ABCA3: variants seen among roughly 807,000 people sequenced by gnomAD.
ABCA3 encodes phospholipid-transporting ATPase ABCA3.
In ABCA3, 88 loss-of-function variants were observed where a neutral mutation model predicts 172.8. The ratio of observed to expected loss-of-function variants is 0.51; its 90% CI spans 0.43 to 0.61. The LOEUF (loss-of-function observed/expected upper bound fraction) is 0.61. Among genes scored for constraint, ABCA3 ranks in the 20% least tolerant of loss-of-function variants. The pLI is 0.00. For synonymous variants in ABCA3, 1,066 were observed against 983.8 expected (o/e 1.08, Z -1.56); for missense variants, 2,164 against 2,301.0 (o/e 0.94, Z 1.22).
In ABCA3 at chr16:2,297,284, G is replaced by T. The variant is rs769549173; in HGVS notation, c.2263+45C>A. ...AGGTAGCAGCCATTCCCTCAGCACG[G>T]CAGCCAGGACACCGACCCTGTCGCG... is the stretch of plus-strand genomic sequence containing the variant. On this transcript the variant is annotated intron_variant, in intron 17 of 32. Transcript: ENST00000301732. The surrounding 1 kb of genome is among the most constrained non-coding windows in gnomAD (Gnocchi z 5.6). 3.1e-6 allele frequency: 5 copies of T among 1,597,010 alleles called. No individual in the cohort carries two copies. The African/African-American group carries it at 6.7e-5, about 21-fold the overall frequency.
chr16:2,278,459 C>G lies in ABCA3; in HGVS notation c.4548-1G>C. 1 of 1,611,562 alleles carries G rather than the reference C, an allele frequency of 6.2e-7. No individual in the cohort carries two copies. Among genetic ancestry groups the G allele is most frequent in the Non-Finnish European group, 8.5e-7 (1 of 1,179,992 alleles). ...GCTCAGCTTCCGCTTGTTACCACCA[C>G]TAGAGGCAGGAGGGTGCCAGGTGGG... On this transcript the variant is annotated splice_acceptor_variant, in intron 29 of 32. Transcript: ENST00000301732. LOFTEE classifies it high-confidence loss of function. This position sits in a 1 kb window ranked among gnomAD's most constrained non-coding sequence, Gnocchi z 4.4.
intron 7 of ABCA3, 35 bp downstream of exon 7, chr16:2,323,488 G>A (rs181628199): frequency 7.0e-5 from 113 of 1,613,398 alleles, no homozygotes; most frequent in African/African-American, 4.7e-4. Flanking sequence ...TCAACAGCCC[G>A]GGCTGGTAAC....
chr16:2,338,958 G>A (rs1201944290), intron 1 of ABCA3, among the ~76,000 whole-genome samples: 1 of 151,960 alleles, frequency 6.6e-6, no homozygotes, highest in East Asian at 1.9e-4. Context: ...GTTTCGCCAT[G>A]TTGGCCAGGC....
chr16:2,285,545 G>T lies in ABCA3; in HGVS notation c.3380C>A (p.Ala1127Asp). Residue 1127 changes from alanine (A) to aspartate (D), a missense_variant, in exon 23 of 33, where the codon GCC becomes GAC. Coordinates refer to ENST00000301732, the MANE Select transcript of ABCA3 (RefSeq NM_001089.3). The surrounding 1 kb of genome is among the most constrained non-coding windows in gnomAD (Gnocchi z 4.7). Reference protein sequence around the residue: ...ILAVSERAVQAKHVQFVSGVH... With the variant: ...ILAVSERAVQDKHVQFVSGVH... ...TCCACTCACAAACTGCACATGCTTG[G>T]CCTGCACGGCCCTCTCGCTGACCGC... is the stretch of plus-strand genomic sequence containing the variant. The T allele has an allele frequency of 6.3e-7, 1 of 1,596,242 alleles. No homozygotes were observed. Among genetic ancestry groups the T allele is most frequent in the Non-Finnish European group, 8.5e-7 (1 of 1,171,184 alleles).
chr16:2,330,699 T>A (rs1005508590), intron 1 of ABCA3, among the ~76,000 whole-genome samples: 1 of 2,608 alleles, frequency 3.8e-4, no homozygotes, highest in African/African-American at 1.5e-3. Flanking sequence ...ACACCACCCT[T>A]TTTTTTTTTT....
At chr16:2,337,977 G>A (rs539457203) in intron 1 of ABCA3, among the ~76,000 whole-genome samples, 8 of 152,188 alleles carry the variant, frequency 5.3e-5, no homozygotes, top group Admixed American at 2.6e-4. Context: ...GGGAGCTATC[G>A]GGACAGACTT....
At position 2,281,307 on chromosome 16, in the gene ABCA3, G is replaced by A; in HGVS notation, c.4164+74C>T. ...GAGCCTCAGCGCCGAAAGCTTCCAG[G>A]GATGGGGTCGGACCCTGGGGACAGC... On this transcript the variant is annotated intron_variant, in intron 27 of 32. Coordinates refer to ENST00000301732, the MANE Select transcript of ABCA3 (RefSeq NM_001089.3). The surrounding 1 kb of genome is among the most constrained non-coding windows in gnomAD (Gnocchi z 4.7). 6.2e-7 allele frequency: 1 copy of A among 1,613,156 alleles called. No individual in the cohort carries two copies. The highest frequency in any genetic ancestry group is 8.5e-7 in the Non-Finnish European group (1 of 1,179,796).
At chr16:2,324,610 G>T in intron 5 of ABCA3, 79 bp from the exon 6 acceptor site, 1 of 1,588,190 alleles carries the variant, frequency 6.3e-7, no homozygotes, top group Non-Finnish European at 8.5e-7. Context: ...CAGGTCACTG[G>T]CAGATGAAAG....
rs2093659323 is a variant in ABCA3, at chr16:2,284,249, G to A, written c.3862+30C>T. On this transcript the variant is annotated intron_variant, in intron 25 of 32. Coordinates refer to ENST00000301732, the MANE Select transcript of ABCA3 (RefSeq NM_001089.3). This position sits in a 1 kb window ranked among gnomAD's most constrained non-coding sequence, Gnocchi z 5.9. ...GACCACGTCCTGAGGACGCAGGGGT[G>A]CTGCCCGGGGTCGGGGCTGGGACAC... The A allele has an allele frequency of 6.9e-6, 11 of 1,605,072 alleles. No homozygotes were observed. Among genetic ancestry groups the A allele is most frequent in the Non-Finnish European group, 9.4e-6 (11 of 1,174,588 alleles).
chr16:2,284,217 C>A lies in ABCA3; in HGVS notation c.3862+62G>T, dbSNP rs2093659282. 3.8e-6 allele frequency: 6 copies of A among 1,568,394 alleles called. No homozygotes were observed. Among genetic ancestry groups the A allele is most frequent in the Non-Finnish European group, 5.2e-6 (6 of 1,155,874 alleles). On this transcript the variant is annotated intron_variant, in intron 25 of 32. Transcript: ENST00000301732. The surrounding 1 kb of genome is among the most constrained non-coding windows in gnomAD (Gnocchi z 5.9). ...GGAGCCCCTGCCCTAGGAGGCCCCT[C>A]TGCAGTGACCACGTCCTGAGGACGC...
chr16:2,327,590 G>A (rs112050253), intron 3 of ABCA3, among the ~76,000 whole-genome samples: 2,077 of 152,314 alleles, frequency 0.014, 26 homozygotes, highest in Non-Finnish European at 0.021. Context: ...GAGCAGGCCC[G>A]GGTAGGCAGA....
chr16:2,323,501 G>C (rs542356676), intron 7 of ABCA3, 22 bp downstream of exon 7: 3 of 1,613,838 alleles, frequency 1.9e-6, no homozygotes, highest in Admixed American at 1.7e-5. Flanking sequence ...CTGGTAACAC[G>C]AACCCTAACC....
At chr16:2,305,095 G>A (rs1480634443) in intron 11 of ABCA3, among the ~76,000 whole-genome samples, 1 of 152,018 alleles carries the variant, frequency 6.6e-6, no homozygotes, top group East Asian at 1.9e-4. Flanking sequence ...TTACAGGTGT[G>A]AGCCACTGCA....
At chr16:2,335,708 T>C (rs1466262312) in intron 1 of ABCA3, among the ~76,000 whole-genome samples, 2 of 152,206 alleles carry the variant, frequency 1.3e-5, no homozygotes, top group South Asian at 4.1e-4. Flanking sequence ...AAGTCTACTT[T>C]AAGCATCCTA....
Position 2,321,503 on chromosome 16 carries a change from G to T in ABCA3, c.614-1663C>A, listed in dbSNP as rs45503796. On this transcript the variant is annotated intron_variant, in intron 7 of 32. Coordinates refer to ENST00000301732, the MANE Select transcript of ABCA3 (RefSeq NM_001089.3). ...TGTGACTTCCATGGCAAACTTCCAT[G>T]AGTTCTGTCTCCTGCCAGACCCGTG... Among the ~76,000 whole-genome samples, 1,404 of 152,290 alleles carry T rather than the reference G, an allele frequency of 9.2e-3. 18 individuals are homozygous for T. Among genetic ancestry groups the T allele is most frequent in the African/African-American group, 0.031 (1,302 of 41,568 alleles).
Position 2,279,082 on chromosome 16 carries a change from G to T in ABCA3, c.4408C>A (p.His1470Asn). 1 of 1,612,856 alleles carries T rather than the reference G, an allele frequency of 6.2e-7. No individual in the cohort carries two copies. Among genetic ancestry groups the T allele is most frequent in the Non-Finnish European group, 8.5e-7 (1 of 1,180,030 alleles). The change falls in exon 29 of 33, where the codon CAC becomes AAC. Residue 1470 changes from histidine (H) to asparagine (N), a missense_variant. By Grantham distance (68) the His-to-Asn change is moderately conservative (BLOSUM62 1). Around this residue, in one of 3 missense-constraint regions of ABCA3, gnomAD observed 795 missense variants for 881.9 expected, o/e 0.90. Coordinates refer to ENST00000301732, the MANE Select transcript of ABCA3 (RefSeq NM_001089.3). This position sits in a 1 kb window ranked among gnomAD's most constrained non-coding sequence, Gnocchi z 4.4. ...ACCAGCATCTCCCGGCCTGTCATGTGGTCCAGCAAGGCATCAAACTGCGGG... is the reference window on the plus strand; with the variant it reads ...ACCAGCATCTCCCGGCCTGTCATGTTGTCCAGCAAGGCATCAAACTGCGGG... ...YCPQFDALLD[H>N]MTGREMLVMY...
At position 2,297,807 on chromosome 16, in the gene ABCA3, G is replaced by T; in HGVS notation, c.2011C>A (p.Arg671Ser). 6.2e-7 allele frequency: 1 copy of T among 1,613,450 alleles called. No individual in the cohort carries two copies. Among genetic ancestry groups the T allele is most frequent in the Non-Finnish European group, 8.5e-7 (1 of 1,180,028 alleles). ...AGGGCGATGCCGATGGAGAGCTTGC[G>T]CCTCATGCCCCCGCTCAGGAAGCGG... ...RSRFLSGGMR[R>S]KLSIGIALIA... The change falls in exon 16 of 33, where the codon CGC (arginine) becomes AGC (serine). Residue 671 changes from arginine (R) to serine (S), a missense_variant. Coordinates refer to ENST00000301732, the MANE Select transcript of ABCA3 (RefSeq NM_001089.3). This position sits in a 1 kb window ranked among gnomAD's most constrained non-coding sequence, Gnocchi z 5.6.
chr16:2,310,332 C>A (rs906392621), intron 10 of ABCA3, among the ~76,000 whole-genome samples: 3 of 151,054 alleles, frequency 2.0e-5, no homozygotes, highest in Admixed American at 6.6e-5. Context: ...CGCTTGAACC[C>A]GGGAGGTGGA....
chr16:2,298,224 G>A (rs987720950), intron 15 of ABCA3, among the ~76,000 whole-genome samples, 162 bp downstream of exon 15: 8 of 150,366 alleles, frequency 5.3e-5, no homozygotes, highest in Non-Finnish European at 1.2e-4. Flanking sequence ...CCTGGCCAGC[G>A]AGGTTCTGGT....
Sources: allele counts gnomAD v4.1 joint callset (sites outside exome capture counted in the v4.1 genomes callset), GRCh38; gene constraint gnomAD v4.1.1; regional missense constraint gnomAD v4.1.1; non-coding constraint Gnocchi (gnomAD v3.1); transcripts MANE v1.5; gene names NCBI Gene and HGNC (gene_info 2026-07-23, HGNC 2026-07-21).